Variants in ZNF469 observed in about 807,000 individuals in gnomAD.
ZNF469 encodes the protein zinc finger protein 469.
Under a neutral mutation model 1.0 loss-of-function variants are expected in ZNF469, and 1 was observed. The observed-to-expected ratio is 1.00, with a 90% CI of 0.35 to 4.73. ZNF469 has a LOEUF of 4.73. ZNF469 is among the 30% of genes most tolerant of loss of function. ZNF469 has a pLI of 0.16. For missense variants in ZNF469, 6,100 were observed against 5,356.3 expected (o/e 1.14, Z -4.33); for synonymous variants, 2,703 against 2,363.4 (o/e 1.14, Z -4.17).
the ZNF469 span, among the ~76,000 whole-genome samples, chr16:88,120,962 G>A: frequency 6.6e-6 from 1 of 152,130 alleles, no homozygotes; most frequent in Non-Finnish European, 1.5e-5. Context: ...GTTGGGTGAG[G>A]TTCTAGAAAG....
chr16:88,129,434 G>GT, the ZNF469 span, among the ~76,000 whole-genome samples: 83,953 of 151,764 alleles, frequency 0.55, 26,632 homozygotes, highest in Non-Finnish European at 0.7. Context: ...TGCACATACC[G>GT]TTTTTTTTGC....
the ZNF469 span, among the ~76,000 whole-genome samples, chr16:88,232,439 C>T: frequency 6.6e-6 from 1 of 152,218 alleles, no homozygotes; most frequent in Non-Finnish European, 1.5e-5. Flanking sequence ...TGGACCAGGC[C>T]TGGGACTTTC....
chr16:88,286,351 C>A, the ZNF469 span, among the ~76,000 whole-genome samples: 2 of 152,238 alleles, frequency 1.3e-5, no homozygotes, highest in Non-Finnish European at 2.9e-5. Flanking sequence ...TGACATCTGC[C>A]GTTATACTCA....
intron 1 of ZNF469, among the ~76,000 whole-genome samples, chr16:88,397,592 G>A (rs981685481): frequency 1.5e-5 from 2 of 136,754 alleles, no homozygotes; most frequent in East Asian, 4.4e-4. Context: ...TGTAGTATGT[G>A]TATATATGTG....
chr16:88,381,349 C>T (rs1035389310), upstream of ZNF469, among the ~76,000 whole-genome samples: 6 of 150,174 alleles, frequency 4.0e-5, no homozygotes, highest in Non-Finnish European at 7.4e-5. Context: ...CACAGACACA[C>T]ACTTATACAC....
At chr16:88,308,634 C>T in the ZNF469 span, among the ~76,000 whole-genome samples, 1 of 152,142 alleles carries the variant, frequency 6.6e-6, no homozygotes, top group Non-Finnish European at 1.5e-5. Flanking sequence ...ATTCCTGGTG[C>T]CTGGAGCAGA....
chr16:88,142,916 A>G, the ZNF469 span, among the ~76,000 whole-genome samples: 10 of 152,296 alleles, frequency 6.6e-5, no homozygotes, highest in East Asian at 1.9e-3. Flanking sequence ...GGGGCCTGAG[A>G]GCACAGGGCC....
chr16:88,202,487 C>T, the ZNF469 span, among the ~76,000 whole-genome samples: 11 of 152,188 alleles, frequency 7.2e-5, no homozygotes, highest in African/African-American at 2.4e-4. Context: ...CTCTCAGGTG[C>T]GCCCCTGAGG....
At chr16:88,167,633 A>T in the ZNF469 span, among the ~76,000 whole-genome samples, 1 of 152,170 alleles carries the variant, frequency 6.6e-6, no homozygotes. Context: ...GGGGGGCAGG[A>T]CCCAGAGACC....
the ZNF469 span, among the ~76,000 whole-genome samples, chr16:88,197,805 G>T: frequency 6.6e-6 from 1 of 152,196 alleles, no homozygotes; most frequent in African/African-American, 2.4e-5. Flanking sequence ...GAGGCCGTGG[G>T]CATCTGCCAT....
chr16:88,304,263 G>A, the ZNF469 span, among the ~76,000 whole-genome samples: 22 of 152,242 alleles, frequency 1.4e-4, no homozygotes, highest in Admixed American at 2.6e-4. Flanking sequence ...GCTGCAGCCC[G>A]GCCGCCCCCA....
At chr16:88,376,168 C>T in the ZNF469 span, among the ~76,000 whole-genome samples, 2 of 152,264 alleles carry the variant, frequency 1.3e-5, no homozygotes, top group Non-Finnish European at 2.9e-5. Flanking sequence ...ACGCCTTCGC[C>T]AGTCGCCCCA....
Position 88,432,622 on chromosome 16 carries a change from C to T in ZNF469, c.5152C>T (p.Gln1718Ter). Residue 1718 changes from glutamine to a stop codon, truncating the protein, a stop_gained, in exon 3 of 3, where the codon CAA (glutamine) becomes TAA (stop). Transcript: ENST00000565624. LOFTEE classifies it low-confidence loss of function (END_TRUNC). Reference sequence around the variant, plus strand: ...GGCAGAAGGAGACAGCAGGCCCCCCCAAGATGTCTGCCTGCCTGAGCCCAG... The same window carrying T: ...GGCAGAAGGAGACAGCAGGCCCCCCTAAGATGTCTGCCTGCCTGAGCCCAG... ...CQAEGDSRPP[Q>*]DVCLPEPSKQ... The T allele has an allele frequency of 6.4e-7, 1 of 1,550,430 alleles. No homozygotes were observed. The highest frequency in any genetic ancestry group is 8.7e-7 in the Non-Finnish European group (1 of 1,146,974).
chr16:88,227,574 GC>G, the ZNF469 span, among the ~76,000 whole-genome samples: 7 of 127,714 alleles, frequency 5.5e-5, no homozygotes, highest in East Asian at 1.1e-3. Context: ...CCCCGGCCTG[GC>G]CCCCCCCTTC....
the ZNF469 span, among the ~76,000 whole-genome samples, chr16:88,172,751 G>A: frequency 6.6e-6 from 1 of 152,278 alleles, no homozygotes; most frequent in East Asian, 1.9e-4. Flanking sequence ...GGTCATGTAA[G>A]GAGAGAAATT....
the ZNF469 span, among the ~76,000 whole-genome samples, chr16:88,309,498 ACGGGGGGAG>A: frequency 3.0e-5 from 4 of 132,202 alleles, no homozygotes; most frequent in African/African-American, 1.1e-4. Flanking sequence ...AGGACACCTG[ACGGGGGGAG>A]TGCCCTCTGA....
the ZNF469 span, among the ~76,000 whole-genome samples, chr16:88,337,662 C>A: frequency 2.0e-5 from 3 of 152,204 alleles, no homozygotes; most frequent in East Asian, 3.9e-4. Flanking sequence ...TCCTCTGCAT[C>A]CTCAGCAGCA....
the ZNF469 span, among the ~76,000 whole-genome samples, chr16:88,142,490 C>G: frequency 4.4e-3 from 668 of 152,302 alleles, 29 homozygotes; most frequent in East Asian, 0.11. Flanking sequence ...TATCAACAGC[C>G]CAGTGTGAGC....
In ZNF469 at chr16:88,439,152, C is replaced by G. The variant is rs1463323568; in HGVS notation, c.11682C>G (p.Ala3894=). The G allele has an allele frequency of 1.9e-6, 3 of 1,550,664 alleles. No homozygotes were observed. The highest frequency in any genetic ancestry group is 3.9e-5 in the Admixed American group (2 of 51,018). The change falls in exon 3 of 3, where the codon GCC becomes GCG. Residue 3894 remains alanine (A), a synonymous_variant. Transcript: ENST00000565624. ...AGAGGAAGGACAGACTGGGCAAGGC[C>G]TTCCCCCAGGGGAGACCCCTGCTCA... The part of the protein sequence containing the change: ...HTQRKDRLGK[A]FPQGRPLLRP...
Sources: gnomAD v4.1 joint callset for allele counts (sites outside exome capture counted in the v4.1 genomes callset) on GRCh38, gnomAD v4.1.1 for gene constraint, MANE v1.5 for transcripts, NCBI Gene and HGNC (gene_info 2026-07-23, HGNC 2026-07-21) for gene names.